FAM184B: variants seen among roughly 807,000 people sequenced by gnomAD.
The protein encoded by FAM184B is protein FAM184B.
A neutral mutation model predicts 135.9 loss-of-function variants in FAM184B; 111 were observed. The observed-to-expected ratio is 0.82, with a 90% CI of 0.70 to 0.96. The LOEUF (loss-of-function observed/expected upper bound fraction) is 0.96, where lower values mean the gene tolerates loss of function less well. Ranked by LOEUF, FAM184B falls within the 40% of genes least tolerant of loss-of-function variation. The pLI, the probability that FAM184B is intolerant of heterozygous loss-of-function variation, is 0.00. For missense variants in FAM184B, 1,375 were observed against 1,323.9 expected, an observed-to-expected ratio of 1.04 and a Z score of -0.60; for synonymous variants, 552 against 524.8, an observed-to-expected ratio of 1.05 and a Z score of -0.71.
chr4:17,686,367 G>A (rs1716586886), intron 7 of FAM184B, among the ~76,000 whole-genome samples: 1 of 152,208 alleles, frequency 6.6e-6, no homozygotes, highest in Non-Finnish European at 1.5e-5. Context: ...TTACATGGGG[G>A]CAACAGGGCT....
At chr4:17,668,915 CA>C (rs1410248039) in intron 7 of FAM184B, among the ~76,000 whole-genome samples, 1 of 152,166 alleles carries the variant, frequency 6.6e-6, no homozygotes, top group Non-Finnish European at 1.5e-5. Context: ...CAAGAATAAA[CA>C]AAACAACAAA....
chr4:17,747,127 CGTA>C (rs1272235723), intron 1 of FAM184B, among the ~76,000 whole-genome samples: 1 of 151,430 alleles, frequency 6.6e-6, no homozygotes, highest in Non-Finnish European at 1.5e-5. Flanking sequence ...TTCCTGGGTA[CGTA>C]TAATGTGCTG....
chr4:17,705,145 C>A lies in FAM184B; in HGVS notation c.1232G>T (p.Arg411Leu), dbSNP rs538598271. ...YMKQQYEEDL[R>L]KIKHQTEEEK... ...CTCTTCTGTCTGATGTTTGATTTTACGAAGGTCTTCTTCATATTGTTGCTT... is the reference window on the plus strand; with the variant it reads ...CTCTTCTGTCTGATGTTTGATTTTAAGAAGGTCTTCTTCATATTGTTGCTT... The change falls in exon 5 of 18, where the codon CGT becomes CTT. Residue 411 changes from arginine (R) to leucine (L), a missense_variant. By Grantham distance (102) the Arg-to-Leu change is moderately radical. Transcript: ENST00000265018. The A allele has an allele frequency of 6.4e-7, 1 of 1,551,774 alleles. No homozygotes were observed. The highest frequency in any genetic ancestry group is 1.4e-5 in the African/African-American group (1 of 73,146).
At chr4:17,749,083 T>G (rs1718239626) in intron 1 of FAM184B, among the ~76,000 whole-genome samples, 1 of 151,082 alleles carries the variant, frequency 6.6e-6, no homozygotes, top group South Asian at 2.1e-4. Flanking sequence ...ATTCTCCTAC[T>G]TCAACCTCCT....
At chr4:17,634,548 TC>T (rs1398609901) in intron 16 of FAM184B, among the ~76,000 whole-genome samples, 1 of 152,144 alleles carries the variant, frequency 6.6e-6, no homozygotes, top group Non-Finnish European at 1.5e-5. Flanking sequence ...GGTCTTGAAA[TC>T]CTGACCTCAA....
chr4:17,770,571 C>G (rs1718797997), intron 1 of FAM184B, among the ~76,000 whole-genome samples: 1 of 152,138 alleles, frequency 6.6e-6, no homozygotes, highest in Non-Finnish European at 1.5e-5. Flanking sequence ...TCAAGTGATT[C>G]TCCTGCCTCA....
chr4:17,722,366 T>C (rs1560185659), intron 1 of FAM184B, among the ~76,000 whole-genome samples: 1 of 152,234 alleles, frequency 6.6e-6, no homozygotes, highest in Non-Finnish European at 1.5e-5. Flanking sequence ...GTGTGGTTAC[T>C]GTCCCTTCCT....
intron 6 of FAM184B, among the ~76,000 whole-genome samples, chr4:17,689,451 C>G (rs1346718011): frequency 6.6e-6 from 1 of 151,966 alleles, no homozygotes; most frequent in African/African-American, 2.4e-5. Context: ...GGGGAAGGGA[C>G]AGAGTGAGAG....
At chr4:17,715,780 TA>T (rs999212747) in intron 1 of FAM184B, among the ~76,000 whole-genome samples, 5 of 150,384 alleles carry the variant, frequency 3.3e-5, no homozygotes, top group East Asian at 2.0e-4. Flanking sequence ...CTTGTCAGTT[TA>T]AAAAAAAAGA....
In FAM184B at chr4:17,709,217, C is replaced by A. The variant is rs1276927417; in HGVS notation, c.569G>T (p.Gly190Val). ...SPETKSEPGQ[G>V]PEMQEVLLEV... ...TAGCAGGACCTCCTGCATCTCCGGGCCCTGGCCTGGCTCCGACTTGGTTTC... is the reference window on the plus strand; with the variant it reads ...TAGCAGGACCTCCTGCATCTCCGGGACCTGGCCTGGCTCCGACTTGGTTTC... Residue 190 changes from glycine to valine, a missense_variant, in exon 2 of 18, where the codon GGC becomes GTC. Transcript: ENST00000265018. 1 of 1,547,310 alleles carries A rather than the reference C, an allele frequency of 6.5e-7. No homozygotes were observed.
intron 5 of FAM184B, among the ~76,000 whole-genome samples, chr4:17,701,696 T>C (rs1001415930): frequency 5.3e-5 from 8 of 152,202 alleles, no homozygotes; most frequent in African/African-American, 1.9e-4. Context: ...CACACAGAAC[T>C]TGGCACCTGC....
chr4:17,752,092 C>A (rs1718309002), intron 1 of FAM184B, among the ~76,000 whole-genome samples: 1 of 151,974 alleles, frequency 6.6e-6, no homozygotes, highest in Admixed American at 6.6e-5. Flanking sequence ...TCTTGGTATA[C>A]AATGACTGGC....
At chr4:17,748,913 A>G (rs977732348) in intron 1 of FAM184B, among the ~76,000 whole-genome samples, 2 of 151,854 alleles carry the variant, frequency 1.3e-5, no homozygotes, top group African/African-American at 2.4e-5. Context: ...ACTGCAGCCA[A>G]ACTCCTGGGC....
chr4:17,767,098 C>T (rs1287092721), intron 1 of FAM184B, among the ~76,000 whole-genome samples: 14 of 152,174 alleles, frequency 9.2e-5, no homozygotes, highest in Admixed American at 2.0e-4. Context: ...CCGGCCCCTC[C>T]GAGTGCGGGG....
intron 10 of FAM184B, 103 bp from the exon 11 acceptor site, chr4:17,653,086 G>A (rs746790720): frequency 1.4e-4 from 152 of 1,120,562 alleles, no homozygotes; most frequent in Middle Eastern, 6.0e-4. Context: ...CTGAACACTC[G>A]CACTCTCCCA....
At chr4:17,704,105 C>T (rs540722186) in intron 5 of FAM184B, among the ~76,000 whole-genome samples, 4 of 152,252 alleles carry the variant, frequency 2.6e-5, no homozygotes, top group Middle Eastern at 3.4e-3. Context: ...AACCCCCACA[C>T]AACAGTGCAT....
intron 10 of FAM184B, 104 bp downstream of exon 10, chr4:17,658,246 G>T: frequency 2.0e-6 from 2 of 1,017,862 alleles, no homozygotes; most frequent in South Asian, 1.4e-5. Flanking sequence ...CTGGAAAGAT[G>T]CTCGGGGGAT....
intron 1 of FAM184B, among the ~76,000 whole-genome samples, chr4:17,738,043 G>A (rs1717949661): frequency 6.6e-6 from 1 of 152,124 alleles, no homozygotes; most frequent in Admixed American, 6.6e-5. Context: ...CATATCATCT[G>A]TAATAGACCC....
chr4:17,767,100 A>G (rs1222197028), intron 1 of FAM184B, among the ~76,000 whole-genome samples: 1 of 152,104 alleles, frequency 6.6e-6, no homozygotes, highest in Non-Finnish European at 1.5e-5. Flanking sequence ...GGCCCCTCCG[A>G]GTGCGGGGCC....
Sources: gnomAD v4.1 joint callset for allele counts (sites outside exome capture counted in the v4.1 genomes callset) on GRCh38, gnomAD v4.1.1 for gene constraint, MANE v1.5 for transcripts, NCBI Gene and HGNC (gene_info 2026-07-23, HGNC 2026-07-21) for gene names.